CTNND2: variants seen among roughly 807,000 people sequenced by gnomAD.
The protein encoded by CTNND2 is catenin delta 2, also known as catenin delta-2.
CTNND2 carries 22 observed loss-of-function variants against 144.4 expected under a neutral mutation model. The observed-to-expected ratio is 0.15, with a 90% confidence interval of 0.11 to 0.22. CTNND2 has a LOEUF of 0.22. Ranked by LOEUF, CTNND2 falls within the 10% of genes least tolerant of loss-of-function variation. The pLI, the probability that CTNND2 is intolerant of heterozygous loss-of-function variation, is 1.00. For synonymous variants in CTNND2, 751 were observed against 695.6 expected, an observed-to-expected ratio of 1.08 and a Z score of -1.25; for missense variants, 1,353 against 1,618.8, an observed-to-expected ratio of 0.84 and a Z score of 2.82.
chr5:11,240,564 AAC>A (rs1294103951), intron 9 of CTNND2, among the ~76,000 whole-genome samples: 44 of 83,190 alleles, frequency 5.3e-4, no homozygotes, highest in African/African-American at 1.9e-3. Context: ...ACACACTCAA[AAC>A]ACACACCCAA....
intron 14 of CTNND2, among the ~76,000 whole-genome samples, chr5:11,109,416 T>G (rs1174260944): frequency 6.6e-6 from 1 of 152,194 alleles, no homozygotes; most frequent in Non-Finnish European, 1.5e-5. Context: ...ATTTTTCTTA[T>G]AGCTAAATTT....
intron 9 of CTNND2, among the ~76,000 whole-genome samples, chr5:11,265,022 G>T (rs554872957): frequency 6.6e-6 from 1 of 151,832 alleles, no homozygotes; most frequent in African/African-American, 2.4e-5. Context: ...GCAAAACAAA[G>T]ACAGGCTAAA....
intron 1 of CTNND2, among the ~76,000 whole-genome samples, chr5:11,739,249 T>C (rs1787862662): frequency 6.6e-6 from 1 of 152,038 alleles, no homozygotes; most frequent in Admixed American, 6.6e-5. Context: ...AGGAGAGGTC[T>C]TGAGATGTGG....
chr5:11,224,289 C>A (rs1230525792), intron 10 of CTNND2, among the ~76,000 whole-genome samples: 1 of 151,974 alleles, frequency 6.6e-6, no homozygotes, highest in Non-Finnish European at 1.5e-5. Context: ...TGTGAAGGAC[C>A]AAGCCTTCAT....
At chr5:11,804,294 G>A (rs189328033) in intron 1 of CTNND2, among the ~76,000 whole-genome samples, 164 of 152,262 alleles carry the variant, frequency 1.1e-3, no homozygotes, top group African/African-American at 3.4e-3. Context: ...CTGTTTGGCA[G>A]CTGCTTTAGT....
At chr5:11,122,349 G>T (rs988792673) in intron 12 of CTNND2, among the ~76,000 whole-genome samples, 5 of 152,216 alleles carry the variant, frequency 3.3e-5, no homozygotes, top group African/African-American at 4.8e-5. Flanking sequence ...CAAGTTTGTG[G>T]CCTGGAGCCA....
intron 2 of CTNND2, among the ~76,000 whole-genome samples, chr5:11,636,296 C>G (rs910087813): frequency 6.6e-6 from 1 of 152,152 alleles, no homozygotes; most frequent in African/African-American, 2.4e-5. Flanking sequence ...TGTTCAGTAG[C>G]TGTACCTGGA....
intron 2 of CTNND2, among the ~76,000 whole-genome samples, chr5:11,637,197 G>A (rs1434182321): frequency 7.9e-5 from 12 of 151,926 alleles, no homozygotes; most frequent in East Asian, 1.9e-4. Context: ...ATTTCTAAAC[G>A]CCCACTGAGC....
chr5:11,435,770 A>G (rs760457698), intron 3 of CTNND2, among the ~76,000 whole-genome samples: 13 of 152,206 alleles, frequency 8.5e-5, no homozygotes, highest in Non-Finnish European at 1.3e-4. Context: ...TCAAACCTCA[A>G]GTCTTCCAAT....
chr5:11,266,849 G>C (rs1043272148), intron 9 of CTNND2, among the ~76,000 whole-genome samples: 1 of 152,066 alleles, frequency 6.6e-6, no homozygotes, highest in Non-Finnish European at 1.5e-5. Flanking sequence ...TCCTACTCTC[G>C]AACTGCCACA....
At chr5:11,335,576 C>T (rs531832586) in intron 9 of CTNND2, among the ~76,000 whole-genome samples, 7 of 152,236 alleles carry the variant, frequency 4.6e-5, no homozygotes, top group East Asian at 1.9e-4. Flanking sequence ...AAACACGTTT[C>T]CCATAGTAGT....
intron 1 of CTNND2, among the ~76,000 whole-genome samples, chr5:11,739,985 A>C (rs1453451051): frequency 2.0e-5 from 3 of 152,140 alleles, no homozygotes; most frequent in Non-Finnish European, 4.4e-5. Flanking sequence ...CTTACAAGGG[A>C]TGTGAAGGAC....
chr5:11,529,642 A>G (rs1220488144), intron 3 of CTNND2, among the ~76,000 whole-genome samples: 2 of 152,260 alleles, frequency 1.3e-5, no homozygotes, highest in Non-Finnish European at 2.9e-5. Context: ...CTACATCTTT[A>G]GCATAACTAT....
chr5:11,789,236 T>C (rs1226993585), intron 1 of CTNND2, among the ~76,000 whole-genome samples: 1 of 152,202 alleles, frequency 6.6e-6, no homozygotes, highest in Non-Finnish European at 1.5e-5. Context: ...TCCTGGATTA[T>C]TTTGTTCACT....
intron 6 of CTNND2, among the ~76,000 whole-genome samples, chr5:11,387,092 T>C (rs258827): frequency 0.88 from 133,959 of 151,888 alleles, 59,236 homozygotes; most frequent in Middle Eastern, 0.93. Context: ...TTACCATTGC[T>C]ATTTAATTCA....
At chr5:11,485,897 TA>T (rs2149984413) in intron 3 of CTNND2, among the ~76,000 whole-genome samples, 1 of 152,036 alleles carries the variant, frequency 6.6e-6, no homozygotes, top group South Asian at 2.1e-4. Flanking sequence ...TAAAGAAGAG[TA>T]AATCAAATTA....
At chr5:11,499,634 C>A (rs1427002091) in intron 3 of CTNND2, among the ~76,000 whole-genome samples, 3 of 152,158 alleles carry the variant, frequency 2.0e-5, no homozygotes, top group South Asian at 2.1e-4. Flanking sequence ...AAGAATATGC[C>A]ATTATCCTGA....
intron 7 of CTNND2, among the ~76,000 whole-genome samples, chr5:11,379,849 C>T (rs1475477050): frequency 6.6e-6 from 1 of 152,136 alleles, no homozygotes; most frequent in African/African-American, 2.4e-5. Context: ...GGATAAAACG[C>T]TAAGTCCATT....
intron 3 of CTNND2, among the ~76,000 whole-genome samples, chr5:11,465,433 T>C (rs924117888): frequency 1.3e-5 from 2 of 152,070 alleles, no homozygotes; most frequent in African/African-American, 2.4e-5. Flanking sequence ...ATTTGAAACA[T>C]AATAAATGCA....
Sources: gnomAD v4.1 joint callset for allele counts (sites outside exome capture counted in the v4.1 genomes callset) on GRCh38, gnomAD v4.1.1 for gene constraint, MANE v1.5 for transcripts, NCBI Gene and HGNC (gene_info 2026-07-23, HGNC 2026-07-21) for gene names.